C3: variants seen among roughly 807,000 people sequenced by gnomAD.
C3 encodes complement C3.
A neutral mutation model predicts 207.9 loss-of-function variants in C3; 97 were observed. The ratio of observed to expected loss-of-function variants is 0.47; its 90% CI spans 0.40 to 0.55. The LOEUF is 0.55. Among genes scored for constraint, C3 ranks in the 20% least tolerant of loss-of-function variants. C3 has a pLI of 0.00. For synonymous variants in C3, 848 were observed against 857.6 expected, an observed-to-expected ratio of 0.99 and a Z score of 0.20; for missense variants, 1,684 against 2,171.7, an observed-to-expected ratio of 0.78 and a Z score of 4.46.
Position 6,702,204 on chromosome 19 carries a change from G to A in C3, c.2363C>T (p.Thr788Met), listed in dbSNP as rs377113526. The change falls in exon 19 of 41, where the codon ACG (threonine) becomes ATG (methionine). Residue 788 changes from threonine to methionine, a missense_variant. This residue lies in a region of C3 where 1,280 missense variants were observed against 1,739.1 expected (regional missense o/e 0.74). Coordinates refer to ENST00000245907, the MANE Select transcript of C3 (RefSeq NM_000064.4). Reference sequence around the variant, plus strand: ...TTTCAAAAATATATTCATGAGCTTCGTAGAGATTCTGGATGGAGAAGAGGT... The same window carrying A: ...TTTCAAAAATATATTCATGAGCTTCATAGAGATTCTGGATGGAGAAGAGGT... ...LKEPPKNGISTKLMNIFLKDS... is the reference protein window; with the variant it reads ...LKEPPKNGISMKLMNIFLKDS... 2.4e-5 allele frequency: 38 copies of A among 1,593,708 alleles called. No homozygotes were observed. Among genetic ancestry groups the A allele is most frequent in the South Asian group, 3.3e-5 (3 of 90,752 alleles).
rs144594338 is a variant in C3 at position 6,711,577 on chromosome 19, T to C, written c.1270-381A>G. ...CCAGGACTTCTGACCTCTCAAACTA[T>C]AGACCCATAAATGTGTGTTGCTTTA... On this transcript the variant is annotated intron_variant, in intron 11 of 40. Transcript: ENST00000245907. Among the ~76,000 whole-genome samples the C allele has an allele frequency of 2.4e-3, 366 of 152,270 alleles. 1 individual carries two copies. The highest frequency in any genetic ancestry group is 8.4e-3 in the African/African-American group (349 of 41,542).
chr19:6,717,979 C>T, intron 4 of C3, 115 bp downstream of exon 4: 1 of 984,036 alleles, frequency 1.0e-6, no homozygotes, highest in Non-Finnish European at 1.6e-6. Flanking sequence ...ATCTCTTTGC[C>T]TCTGTGTCTC....
intron 23 of C3, among the ~76,000 whole-genome samples, chr19:6,695,263 C>T (rs1404794331): frequency 6.4e-5 from 9 of 141,464 alleles, no homozygotes; most frequent in Non-Finnish European, 1.0e-4. Context: ...AGTGAGACTC[C>T]GCCTCAAAAA....
rs1967915077 is a variant in C3, at chr19:6,711,145, T to C, written c.1321A>G (p.Met441Val). ...LSEAEQATRT[M>V]QALPYSTVGN... ...ACGGTGCTGTAGGGCAGAGCCTGCATGGTCCTGGTAGCCTGCTCTGCCTCC... is the reference window on the plus strand; with the variant it reads ...ACGGTGCTGTAGGGCAGAGCCTGCACGGTCCTGGTAGCCTGCTCTGCCTCC... Residue 441 changes from methionine to valine, a missense_variant, in exon 12 of 41, where the codon ATG becomes GTG. Around this residue, in one of 3 missense-constraint regions of C3, gnomAD observed 1,280 missense variants for 1,739.1 expected, o/e 0.74. Coordinates refer to ENST00000245907, the MANE Select transcript of C3 (RefSeq NM_000064.4). 6.2e-7 allele frequency: 1 copy of C among 1,614,050 alleles called. No individual in the cohort carries two copies. Among genetic ancestry groups the C allele is most frequent in the African/African-American group, 1.3e-5 (1 of 75,004 alleles).
chr19:6,681,339 T>TGAAA (rs1337371918), intron 35 of C3, among the ~76,000 whole-genome samples: 1 of 20,930 alleles, frequency 4.8e-5, no homozygotes, highest in Non-Finnish European at 9.7e-5. Context: ...AAGGCTGCAG[T>TGAAA]TAAAAAAAAA....
chr19:6,717,990 T>C (rs1317561923), intron 4 of C3, 104 bp downstream of exon 4: 13 of 1,116,448 alleles, frequency 1.2e-5, no homozygotes, highest in African/African-American at 1.5e-5. Flanking sequence ...TCTGTGTCTC[T>C]GCCACTGCAC....
rs763459063 is a variant in C3 at position 6,693,493 on chromosome 19, G to A, written c.3155-6C>T. 5 of 1,610,704 alleles carry A rather than the reference G, an allele frequency of 3.1e-6. No homozygotes were observed. The South Asian group carries it at 4.4e-5, about 14-fold the overall frequency. The stretch of plus-strand genomic sequence containing the variant: ...GGCCAGCTGCTGGGTGTACCCTGCA[G>A]AGAAGAGAGAGGAACCCCCAAAAGA... On this transcript the variant is annotated splice_region_variant and splice_polypyrimidine_tract_variant and intron_variant, in intron 24 of 40. Coordinates refer to ENST00000245907, the MANE Select transcript of C3 (RefSeq NM_000064.4).
In C3 at chr19:6,711,228, G is replaced by C; in HGVS notation, c.1270-32C>G. On this transcript the variant is annotated intron_variant, in intron 11 of 40. Coordinates refer to ENST00000245907, the MANE Select transcript of C3 (RefSeq NM_000064.4). ...GGGGAAAGAGGGATGCCTGCTGGTC[G>C]CCGCCCGAGGATACCCACACCCGAA... The C allele has an allele frequency of 3.2e-6, 5 of 1,575,034 alleles. 1 individual carries two copies. In the South Asian group the frequency reaches 4.4e-5, roughly 14 times the overall value.
intron 19 of C3, among the ~76,000 whole-genome samples, chr19:6,700,853 A>G (rs1171254975): frequency 6.8e-6 from 1 of 146,896 alleles, no homozygotes; most frequent in South Asian, 2.1e-4. Flanking sequence ...AATAAATATT[A>G]TAATTAAATT....
rs1395222286 is a variant in C3 at position 6,707,876 on chromosome 19, C to T, written c.1899G>A (p.Lys633=). ...ADIGCTPGSG[K]DYAGVFSDAG... ...CGTCGGAGAAGACACCGGCGTAATC[C>T]TTCCCACTGCCCGGGGTGCAGCCGA... Residue 633 remains lysine, a synonymous_variant, in exon 15 of 41, where the codon AAG becomes AAA. Coordinates refer to ENST00000245907, the MANE Select transcript of C3 (RefSeq NM_000064.4). 2 of 1,613,912 alleles carry T rather than the reference C, an allele frequency of 1.2e-6. No individual in the cohort carries two copies. The highest frequency in any genetic ancestry group is 1.7e-6 in the Non-Finnish European group (2 of 1,180,014).
In C3 at chr19:6,710,645, C is replaced by A. The variant is rs1568224914; in HGVS notation, c.1680G>T (p.Val560=). The change falls in exon 13 of 41, where the codon GTG becomes GTT. Residue 560 remains valine (V), a synonymous_variant. Coordinates refer to ENST00000245907, the MANE Select transcript of C3 (RefSeq NM_000064.4). ...GAGCCCAGGGCACACTTACCGAGCC[C>A]ACGCAGGAGTCCTTGACGTCCACCC... ...SVWVDVKDSC[V]GSLVVKSGQS... 1 of 1,612,708 alleles carries A rather than the reference C, an allele frequency of 6.2e-7. No individual in the cohort carries two copies. Among genetic ancestry groups the A allele is most frequent in the Non-Finnish European group, 8.5e-7 (1 of 1,179,536 alleles).
chr19:6,707,346 C>A, intron 16 of C3, 73 bp from the exon 17 acceptor site: 1 of 1,599,220 alleles, frequency 6.3e-7, no homozygotes, highest in Non-Finnish European at 8.6e-7. Context: ...CGGGACGGAC[C>A]CCAGGGAGGA....
chr19:6,707,655 A>G lies in C3; in HGVS notation c.1976-118T>C, dbSNP rs558232596. 1,687 of 1,527,100 alleles carry G rather than the reference A, an allele frequency of 1.1e-3. 5 individuals carry two copies. The highest frequency in any genetic ancestry group is 9.3e-4 in the Non-Finnish European group (1,025 of 1,105,068). The allele number at this position is 1,527,100 out of a possible 1,614,324, so 94.6% of individuals were successfully genotyped here. On this transcript the variant is annotated intron_variant, in intron 15 of 40. Coordinates refer to ENST00000245907, the MANE Select transcript of C3 (RefSeq NM_000064.4). ...CTGCTCCCATTTGATGGAAGAGCAA[A>G]CTGAGGCTCAGAGGGGAGGGATTTA...
intron 13 of C3, 133 bp from the exon 14 acceptor site, chr19:6,709,975 G>GAGAGAGAGAA: frequency 1.5e-6 from 1 of 680,648 alleles, no homozygotes; most frequent in South Asian, 1.7e-5. Flanking sequence ...GGGGGAGAGA[G>GAGAGAGAGAA]AGGGAGAGAG....
rs145886287 is a variant in C3, at chr19:6,707,869, C to G, written c.1906G>C (p.Ala636Pro). The stretch of plus-strand genomic sequence containing the variant: ...AGCCCTGCGTCGGAGAAGACACCGG[C>G]GTAATCCTTCCCACTGCCCGGGGTG... ...GCTPGSGKDY[A>P]GVFSDAGLTF... Residue 636 changes from alanine to proline, a missense_variant, in exon 15 of 41, where the codon GCC (alanine) becomes CCC (proline). Around this residue, in one of 3 missense-constraint regions of C3, gnomAD observed 1,280 missense variants for 1,739.1 expected, o/e 0.74. Coordinates refer to ENST00000245907, the MANE Select transcript of C3 (RefSeq NM_000064.4). 1.2e-6 allele frequency: 2 copies of G among 1,613,904 alleles called. No homozygotes were observed. The highest frequency in any genetic ancestry group is 2.2e-5 in the East Asian group (1 of 44,882).
intron 19 of C3, among the ~76,000 whole-genome samples, chr19:6,701,572 G>A (rs1967674467): frequency 6.6e-6 from 1 of 152,198 alleles, no homozygotes. Context: ...CCAGGCTGGA[G>A]TGCAGTGGCA....
chr19:6,713,190 T>A lies in C3; in HGVS notation c.1002A>T (p.Ser334=). The change falls in exon 9 of 41, where the codon TCA becomes TCT. Residue 334 remains serine, a splice_region_variant and synonymous_variant. Transcript: ENST00000245907. ...CCTGGCCTTCAGACTGGGCCTCACC[T>A]GAGTGCAAGATGACGGTGGCAGACA... ...LYVSATVILH[S]GSDMVQAERS... 6.2e-7 allele frequency: 1 copy of A among 1,613,728 alleles called. No individual in the cohort carries two copies. The highest frequency in any genetic ancestry group is 1.1e-5 in the South Asian group (1 of 91,088).
chr19:6,717,971 C>G, intron 4 of C3, 123 bp downstream of exon 4: 1 of 910,124 alleles, frequency 1.1e-6, no homozygotes, highest in Admixed American at 1.7e-5. Context: ...GTCTGCATAT[C>G]TCTTTGCCTC....
At chr19:6,678,332 G>A (rs1599495717) in intron 39 of C3, 40 bp downstream of exon 39, 9 of 1,614,192 alleles carry the variant, frequency 5.6e-6, no homozygotes, top group Non-Finnish European at 7.6e-6. Context: ...TGGGGAGGAA[G>A]CCAGGGAAGA....
Sources: gnomAD v4.1 joint callset for allele counts (sites outside exome capture counted in the v4.1 genomes callset) on GRCh38, gnomAD v4.1.1 for gene constraint, gnomAD v4.1.1 regional missense constraint, MANE v1.5 for transcripts, NCBI Gene and HGNC (gene_info 2026-07-23, HGNC 2026-07-21) for gene names.